Variants in MMP13 observed in about 807,000 individuals in gnomAD.
MMP13 encodes matrix metallopeptidase 13, also known as collagenase 3.
MMP13 carries 45 observed loss-of-function variants against 52.1 expected under a neutral mutation model. The observed-to-expected ratio is 0.86, with a 90% confidence interval of 0.68 to 1.11. The LOEUF is 1.11. MMP13 is among the 50% of genes least tolerant of loss of function. MMP13 has a pLI of 0.00. For missense variants in MMP13, 576 were observed against 583.8 expected (o/e 0.99, Z 0.14); for synonymous variants, 200 against 204.4 (o/e 0.98, Z 0.18).
chr11:102,954,104 T>C (rs1860654916), intron 4 of MMP13, 52 bp downstream of exon 4: 1 of 1,600,646 alleles, frequency 6.2e-7, no homozygotes, highest in African/African-American at 1.3e-5. Context: ...TACTAGTGTG[T>C]TCACTGTCTA....
chr11:102,950,295 A>G, intron 5 of MMP13, 68 bp from the exon 6 acceptor site: 1 of 1,244,570 alleles, frequency 8.0e-7, no homozygotes, highest in South Asian at 1.2e-5. Context: ...TCACAGTACA[A>G]CAGGCTGATC....
intron 8 of MMP13, among the ~76,000 whole-genome samples, 199 bp from the exon 9 acceptor site, chr11:102,945,948 C>T (rs1860500351): frequency 6.6e-6 from 1 of 152,196 alleles, no homozygotes; most frequent in Non-Finnish European, 1.5e-5. Context: ...TATTTGTTGA[C>T]TTGCCCAAAG....
rs1860628498 is a variant in MMP13, at chr11:102,952,463, G to C, written c.638-290C>G. ...TTAGTAATTAATAAGGATTTACTGTGAATACATTAGAACTCCTGATTTGCG... is the reference window on the plus strand; with the variant it reads ...TTAGTAATTAATAAGGATTTACTGTCAATACATTAGAACTCCTGATTTGCG... On this transcript the variant is annotated intron_variant, in intron 4 of 9. Coordinates refer to ENST00000260302, the MANE Select transcript of MMP13 (RefSeq NM_002427.4). The surrounding 1 kb of genome is among the most constrained non-coding windows in gnomAD (Gnocchi z 4.3). Among the ~76,000 whole-genome samples, 1 of 152,122 alleles carries C rather than the reference G, an allele frequency of 6.6e-6. No individual in the cohort carries two copies. Among genetic ancestry groups the C allele is most frequent in the South Asian group, 2.1e-4 (1 of 4,826 alleles).
At position 102,954,265 on chromosome 11, in the gene MMP13, G is replaced by A. The variant is rs376889562; in HGVS notation, c.528C>T (p.Tyr176=). The A allele has an allele frequency of 4.5e-5, 72 of 1,613,530 alleles. No homozygotes were observed. Among genetic ancestry groups the A allele is most frequent in the African/African-American group, 5.3e-5 (4 of 74,880 alleles). The change falls in exon 4 of 10, where the codon TAC becomes TAT. Residue 176 remains tyrosine (Y), a synonymous_variant. Transcript: ENST00000260302. ...SFGIKEHGDF[Y]PFDGPSGLLA... is the part of the protein sequence containing the mutation. Reference sequence around the variant, plus strand: ...GCAGGCCAGAGGGCCCATCAAATGGGTAGAAGTCGCCATGCTCTACACACA... The same window carrying A: ...GCAGGCCAGAGGGCCCATCAAATGGATAGAAGTCGCCATGCTCTACACACA...
rs779138625 is a variant in MMP13, at chr11:102,955,250, A to C, written c.362+2T>G. On this transcript the variant is annotated splice_donor_variant, in intron 2 of 9. Transcript: ENST00000260302. LOFTEE classifies it high-confidence loss of function. The surrounding 1 kb of genome is among the most constrained non-coding windows in gnomAD (Gnocchi z 4.9). ...ATGAAAGAAAGATAGCCTATGATTT[A>C]CCTGTAGGTTAAATTCATTTTGGAC... 1 of 1,613,716 alleles carries C rather than the reference A, an allele frequency of 6.2e-7. No individual in the cohort carries two copies. Among genetic ancestry groups the C allele is most frequent in the Non-Finnish European group, 8.5e-7 (1 of 1,179,724 alleles).
Position 102,949,064 on chromosome 11 carries a change from A to G in MMP13, c.1012T>C (p.Tyr338His). The G allele has an allele frequency of 1.2e-6, 2 of 1,613,916 alleles. No individual in the cohort carries two copies. The highest frequency in any genetic ancestry group is 1.7e-6 in the Non-Finnish European group (2 of 1,179,846). ...PELPNRIDAA[Y>H]EHPSHDLIFI... The stretch of plus-strand genomic sequence containing the variant: ...ATGAGGTCATGAGAAGGGTGCTCAT[A>G]TGCAGCATCAATACGGTTGGGAAGT... The change falls in exon 7 of 10, where the codon TAT (tyrosine) becomes CAT (histidine). Residue 338 changes from tyrosine (Y) to histidine (H), a missense_variant. By Grantham distance (83) the Tyr-to-His change is moderately conservative. Coordinates refer to ENST00000260302, the MANE Select transcript of MMP13 (RefSeq NM_002427.4). This position sits in a 1 kb window ranked among gnomAD's most constrained non-coding sequence, Gnocchi z 4.2.
rs1860687411 is a variant in MMP13 at position 102,955,650 on chromosome 11, GC to G, written c.55del (p.Ala19ProfsTer25). On this transcript the variant is annotated frameshift_variant, in exon 1 of 10. Coordinates refer to ENST00000260302, the MANE Select transcript of MMP13 (RefSeq NM_002427.4). LOFTEE classifies it high-confidence loss of function. The surrounding 1 kb of genome is among the most constrained non-coding windows in gnomAD (Gnocchi z 4.9). The part of the protein sequence containing the change: ...FLFLSWTHCR[A>X]LPLPSGGDED... ...ATCACCACCACTGGGAAGGGGCAGGGCCCGACAATGAGTCCAGCTCAAGAAG... is the reference window on the plus strand; with the variant it reads ...ATCACCACCACTGGGAAGGGGCAGGGCCGACAATGAGTCCAGCTCAAGAAG... The G allele has an allele frequency of 3.1e-6, 5 of 1,613,968 alleles. No individual in the cohort carries two copies. The highest frequency in any genetic ancestry group is 4.2e-6 in the Non-Finnish European group (5 of 1,179,906).
intron 8 of MMP13, among the ~76,000 whole-genome samples, chr11:102,946,722 A>G (rs1054436820): frequency 1.3e-5 from 2 of 152,242 alleles, no homozygotes; most frequent in African/African-American, 4.8e-5. Flanking sequence ...GCAGTAAGCA[A>G]TTAATCCTGA....
In MMP13 at chr11:102,954,362, T is replaced by G. The variant is rs640198; in HGVS notation, c.512-81A>C. On this transcript the variant is annotated intron_variant, in intron 3 of 9. Coordinates refer to ENST00000260302, the MANE Select transcript of MMP13 (RefSeq NM_002427.4). ...GGTGTTTGGTAAATTAGTGTTGAAT[T>G]CTTTAAAAAGTAATGAATGACTGAA... The G allele has an allele frequency of 0.67, 1,070,307 of 1,600,998 alleles. 359,870 individuals carry two copies. The highest frequency in any genetic ancestry group is 0.73 in the African/African-American group (54,238 of 74,642).
chr11:102,951,047 C>A (rs1393959801), intron 5 of MMP13, among the ~76,000 whole-genome samples: 1 of 152,128 alleles, frequency 6.6e-6, no homozygotes, highest in Non-Finnish European at 1.5e-5. Flanking sequence ...AGTGTTTACA[C>A]TGATGACTGT....
intron 4 of MMP13, among the ~76,000 whole-genome samples, chr11:102,953,767 A>C (rs1420580833): frequency 6.6e-6 from 1 of 152,186 alleles, no homozygotes; most frequent in Non-Finnish European, 1.5e-5. Flanking sequence ...TTCAATTCAC[A>C]TCTAATTCAT....
chr11:102,946,909 A>G (rs782011854), intron 8 of MMP13, among the ~76,000 whole-genome samples: 5 of 152,020 alleles, frequency 3.3e-5, no homozygotes, highest in Non-Finnish European at 5.9e-5. Flanking sequence ...GACTGTGTGT[A>G]TGTAGAGATG....
In MMP13 at chr11:102,954,517, A is replaced by G; in HGVS notation, c.452T>C (p.Leu151Pro). The G allele has an allele frequency of 1.2e-6, 2 of 1,613,766 alleles. No homozygotes were observed. Among genetic ancestry groups the G allele is most frequent in the Non-Finnish European group, 1.7e-6 (2 of 1,179,782 alleles). ...GCCATCGTGAAGTCTGGTAAAATTC[A>G]GAGGAGTTACATCGGACCAAACTTT... ...AFKVWSDVTP[L>P]NFTRLHDGIA... The change falls in exon 3 of 10, where the codon CTG becomes CCG. Residue 151 changes from leucine to proline, a missense_variant. Physicochemically the swap from Leu to Pro is moderately conservative, Grantham distance 98. Coordinates refer to ENST00000260302, the MANE Select transcript of MMP13 (RefSeq NM_002427.4).
intron 8 of MMP13, among the ~76,000 whole-genome samples, chr11:102,946,534 G>A (rs868964262): frequency 3.9e-5 from 6 of 152,148 alleles, no homozygotes; most frequent in African/African-American, 1.2e-4. Flanking sequence ...ACAGGAAGCC[G>A]GGCAATAACC....
Position 102,955,668 on chromosome 11 carries a change from C to A in MMP13, c.38G>T (p.Ser13Ile). Residue 13 changes from serine to isoleucine, a missense_variant, in exon 1 of 10, where the codon AGC becomes ATC. Physicochemically the swap from Ser to Ile is moderately radical, Grantham distance 142. Transcript: ENST00000260302. The surrounding 1 kb of genome is among the most constrained non-coding windows in gnomAD (Gnocchi z 4.9). ...PGVLAAFLFL[S>I]WTHCRALPLP... ...GGGCAGGGCCCGACAATGAGTCCAG[C>A]TCAAGAAGAGGAAGGCAGCCAGGAC... 3 of 1,613,988 alleles carry A rather than the reference C, an allele frequency of 1.9e-6. No individual in the cohort carries two copies. The South Asian group carries it at 3.3e-5, about 18-fold the overall frequency.
intron 4 of MMP13, among the ~76,000 whole-genome samples, chr11:102,953,084 T>C (rs916502228): frequency 6.6e-6 from 1 of 152,142 alleles, no homozygotes; most frequent in Non-Finnish European, 1.5e-5. Context: ...GAGTGTTAAC[T>C]AATTCTTCAC....
chr11:102,953,862 T>G (rs76012925), intron 4 of MMP13, among the ~76,000 whole-genome samples: 1 of 152,208 alleles, frequency 6.6e-6, no homozygotes, highest in Admixed American at 6.6e-5. Context: ...AAAGGTAATT[T>G]GCAGTAATAA....
Position 102,948,032 on chromosome 11 carries a change from A to G in MMP13, c.1070T>C (p.Leu357Pro). Residue 357 changes from leucine (L) to proline (P), a missense_variant, in exon 8 of 10, where the codon CTT becomes CCT. Leu to Pro is a moderately conservative substitution (Grantham distance 98). Transcript: ENST00000260302. ...ACCTTCCAGAATGTCATAACCATTA[A>G]GAGCCCAAAATTTTCTACCTGGAAT... Reference protein sequence around the residue: ...FIFRGRKFWALNGYDILEGYP... With the variant: ...FIFRGRKFWAPNGYDILEGYP... 3.1e-6 allele frequency: 5 copies of G among 1,613,656 alleles called. No homozygotes were observed. Among genetic ancestry groups the G allele is most frequent in the Non-Finnish European group, 4.2e-6 (5 of 1,179,786 alleles).
At chr11:102,947,551 T>A (rs1860530794) in intron 8 of MMP13, among the ~76,000 whole-genome samples, 1 of 151,428 alleles carries the variant, frequency 6.6e-6, no homozygotes. Flanking sequence ...CAAGCCTGGA[T>A]AACAGAGCAA....
Sources: allele counts gnomAD v4.1 joint callset (sites outside exome capture counted in the v4.1 genomes callset), GRCh38; gene constraint gnomAD v4.1.1; non-coding constraint Gnocchi (gnomAD v3.1); transcripts MANE v1.5; gene names NCBI Gene and HGNC (gene_info 2026-07-23, HGNC 2026-07-21).